The following RNF213 variants were observed in gnomAD, a reference collection of about 807,000 sequenced individuals.
RNF213 encodes E3 ubiquitin-protein ligase RNF213.
In RNF213, 341 loss-of-function variants were observed where a neutral mutation model predicts 514.4. The observed-to-expected ratio is 0.66, with a 90% CI of 0.61 to 0.73. The LOEUF is 0.73. RNF213 is among the 30% of genes least tolerant of loss of function. The probability of loss-of-function intolerance (pLI) is 0.00; values close to 1 mark genes in which losing one functional copy is unlikely to be tolerated. For missense variants in RNF213, 5,767 were observed against 6,615.6 expected, an observed-to-expected ratio of 0.87 and a Z score of 4.45; for synonymous variants, 2,655 against 2,658.2, an observed-to-expected ratio of 1.00 and a Z score of 0.04.
chr17:80,283,466 C>T (rs917452322), intron 3 of RNF213, among the ~76,000 whole-genome samples: 1 of 152,212 alleles, frequency 6.6e-6, no homozygotes, highest in South Asian at 2.1e-4. Flanking sequence ...GTTGCGTCTG[C>T]GCTTACTGCA....
chr17:80,311,839 A>C (rs2045584491), intron 14 of RNF213, among the ~76,000 whole-genome samples: 1 of 151,976 alleles, frequency 6.6e-6, no homozygotes, highest in Non-Finnish European at 1.5e-5. Flanking sequence ...AAAAGATCAC[A>C]CACTTGGCTG....
chr17:80,293,202 C>T (rs2044802845), intron 8 of RNF213, among the ~76,000 whole-genome samples: 2 of 152,010 alleles, frequency 1.3e-5, no homozygotes, highest in Non-Finnish European at 2.9e-5. Context: ...GGCCTACAGG[C>T]GTGTGTCACC....
intron 3 of RNF213, 46 bp downstream of exon 3, chr17:80,273,450 C>G: frequency 6.2e-7 from 1 of 1,607,504 alleles, no homozygotes; most frequent in South Asian, 1.1e-5. Flanking sequence ...TCACTCTGCC[C>G]AGGAAAATCT....
In RNF213 at chr17:80,340,154, C is replaced by A; in HGVS notation, c.5787C>A (p.Val1929=). 1 of 1,614,060 alleles carries A rather than the reference C, an allele frequency of 6.2e-7. No individual in the cohort carries two copies. The highest frequency in any genetic ancestry group is 2.2e-5 in the East Asian group (1 of 44,890). ...GAGAAGACTACCAGCTCGTCATGGT[C>A]TGTGATGGGGACTGGGAGCACTGCT... is the stretch of plus-strand genomic sequence containing the variant. ...QHREDYQLVM[V]CDGDWEHCYL... is the part of the protein sequence containing the mutation. The change falls in exon 26 of 68, where the codon GTC becomes GTA. Residue 1929 remains valine, a synonymous_variant. Transcript: ENST00000582970.
At chr17:80,388,375 G>A (rs1325950860) in intron 63 of RNF213, among the ~76,000 whole-genome samples, 6 of 152,220 alleles carry the variant, frequency 3.9e-5, no homozygotes, top group African/African-American at 1.4e-4. Context: ...AGCAGGCCAC[G>A]ATGATGTGAC....
intron 3 of RNF213, among the ~76,000 whole-genome samples, chr17:80,287,482 A>G (rs2044512839): frequency 6.6e-6 from 1 of 152,206 alleles, no homozygotes; most frequent in Non-Finnish European, 1.5e-5. Flanking sequence ...ATCCTGGGCG[A>G]CAGAGGGAGA....
rs1002850606 is a variant in RNF213, at chr17:80,327,856, C to T, written c.3234C>T (p.Ala1078=). The T allele has an allele frequency of 1.3e-6, 2 of 1,537,026 alleles. No homozygotes were observed. Among genetic ancestry groups the T allele is most frequent in the African/African-American group, 2.7e-5 (2 of 73,006 alleles). ...EKILANVTED[A]KRLIAVADSV... is the part of the protein sequence containing the mutation. ...TACTAGCAAATGTCACAGAGGATGC[C>T]AAGAGGCTGATAGCTGTTGCCGACT... is the stretch of plus-strand genomic sequence containing the variant. The change falls in exon 19 of 68, where the codon GCC becomes GCT. Residue 1078 remains alanine, a synonymous_variant. Transcript: ENST00000582970.
chr17:80,389,411 T>TG (rs1327993414), intron 65 of RNF213, 44 bp downstream of exon 65: 1 of 1,566,538 alleles, frequency 6.4e-7, no homozygotes, highest in Non-Finnish European at 8.8e-7. Context: ...CCCCTCACCC[T>TG]GGTCTCCTGC....
At chr17:80,307,362 G>GCTTTTTT (rs550244427) in intron 13 of RNF213, among the ~76,000 whole-genome samples, 161 bp downstream of exon 13, 2 of 113,720 alleles carry the variant, frequency 1.8e-5, no homozygotes, top group Non-Finnish European at 3.5e-5. Flanking sequence ...ATTGTCGTCT[G>GCTTTTTT]TTTTTTTTTT....
rs1463375042 is a variant in RNF213, at chr17:80,393,417, C to T, written c.15543C>T (p.Phe5181=). 1 of 1,614,090 alleles carries T rather than the reference C, an allele frequency of 6.2e-7. No individual in the cohort carries two copies. The highest frequency in any genetic ancestry group is 2.2e-5 in the East Asian group (1 of 44,894). Residue 5181 remains phenylalanine (F), a synonymous_variant, in exon 68 of 68, where the codon TTC becomes TTT. Coordinates refer to ENST00000582970, the MANE Select transcript of RNF213 (RefSeq NM_001256071.3). ...SEILPEMASQ[F]PEEILLASCV... Reference sequence around the variant, plus strand: ...TTCTTCCTGAAATGGCATCTCAGTTCCCAGAAGAGATACTGCTCGCCAGCT... The same window carrying T: ...TTCTTCCTGAAATGGCATCTCAGTTTCCAGAAGAGATACTGCTCGCCAGCT...
At position 80,288,025 on chromosome 17, in the gene RNF213, C is replaced by G. The variant is rs765816785; in HGVS notation, c.472C>G (p.Leu158Val). The G allele has an allele frequency of 6.3e-7, 1 of 1,598,212 alleles. No homozygotes were observed. Among genetic ancestry groups the G allele is most frequent in the East Asian group, 2.3e-5 (1 of 44,258 alleles). Residue 158 changes from leucine (L) to valine (V), a missense_variant, in exon 4 of 68, where the codon CTG becomes GTG. Physicochemically the swap from Leu to Val is conservative, Grantham distance 32. This residue lies in a region of RNF213 where 509 missense variants were observed against 496.7 expected (regional missense o/e 1.02). Coordinates refer to ENST00000582970, the MANE Select transcript of RNF213 (RefSeq NM_001256071.3). The surrounding 1 kb of genome is among the most constrained non-coding windows in gnomAD (Gnocchi z 4.9). ...SQPPGTATTP[L>V]EGDGLSAPTE... ...GCCCCCAGGCACAGCCACCACGCCA[C>G]TGGAGGGTGACGGCCTCTCCGCGCC...
At chr17:80,280,423 A>G (rs1029751831) in intron 3 of RNF213, among the ~76,000 whole-genome samples, 3 of 152,168 alleles carry the variant, frequency 2.0e-5, no homozygotes, top group Non-Finnish European at 4.4e-5. Flanking sequence ...AATGTATAAC[A>G]GTAGTATAGC....
rs2078639250 is a variant in RNF213 at position 80,354,112 on chromosome 17, A to G, written c.10672A>G (p.Met3558Val). The change falls in exon 35 of 68, where the codon ATG becomes GTG. Residue 3558 changes from methionine (M) to valine (V), a missense_variant. Transcript: ENST00000582970. ...CCAGAACGAGAGCTGCACGCGCAAT[A>G]TGCGGAGGGTGGTGCTCCTCCTGGG... ...RDQNESCTRN[M>V]RRVVLLLGLL... 2 of 1,614,064 alleles carry G rather than the reference A, an allele frequency of 1.2e-6. No individual in the cohort carries two copies. Among genetic ancestry groups the G allele is most frequent in the Non-Finnish European group, 1.7e-6 (2 of 1,180,030 alleles).
At chr17:80,363,861 C>A in intron 41 of RNF213, 71 bp downstream of exon 41, 1 of 1,460,796 alleles carries the variant, frequency 6.8e-7, no homozygotes, top group Non-Finnish European at 9.5e-7. Context: ...AAGTGCCAGG[C>A]ATGTCCATGA....
Position 80,347,189 on chromosome 17 carries a change from G to A in RNF213, c.8854G>A (p.Gly2952Arg), listed in dbSNP as rs146340028. The part of the protein sequence containing the change: ...VCKRQDKEFF[G>R]LRDYYSLIKM... ...TAAGCGCCAGGACAAGGAATTCTTCGGGCTTCGTGACTACTACAGCCTCAT... is the reference window on the plus strand; with the variant it reads ...TAAGCGCCAGGACAAGGAATTCTTCAGGCTTCGTGACTACTACAGCCTCAT... The change falls in exon 29 of 68, where the codon GGG (glycine) becomes AGG (arginine). Residue 2952 changes from glycine (G) to arginine (R), a missense_variant. By Grantham distance (125) the Gly-to-Arg change is moderately radical. Around this residue, in one of 13 missense-constraint regions of RNF213, gnomAD observed 919 missense variants for 1,121.0 expected, o/e 0.82. Transcript: ENST00000582970. The surrounding 1 kb of genome is among the most constrained non-coding windows in gnomAD (Gnocchi z 7.2). 3.5e-5 allele frequency: 57 copies of A among 1,613,592 alleles called. No homozygotes were observed. Among genetic ancestry groups the A allele is most frequent in the Non-Finnish European group, 4.4e-5 (52 of 1,179,914 alleles).
rs147664102 is a variant in RNF213 at position 80,368,136 on chromosome 17, G to A, written c.12148G>A (p.Ala4050Thr). 313 of 1,614,220 alleles carry A rather than the reference G, an allele frequency of 1.9e-4. 1 individual carries two copies. The highest frequency in any genetic ancestry group is 6.4e-5 in the Non-Finnish European group (76 of 1,180,032). Residue 4050 changes from alanine (A) to threonine (T), a missense_variant, in exon 44 of 68, where the codon GCG (alanine) becomes ACG (threonine). Physicochemically the swap from Ala to Thr is moderately conservative, Grantham distance 58. Coordinates refer to ENST00000582970, the MANE Select transcript of RNF213 (RefSeq NM_001256071.3). ...PDEFSPAVSQ[A>T]HREAIEKHAR... is the part of the protein sequence containing the mutation. Reference sequence around the variant, plus strand: ...CGAATTCTCTCCAGCTGTTTCCCAAGCGCACAGGTACAACACCCTTTCTCT... The same window carrying A: ...CGAATTCTCTCCAGCTGTTTCCCAAACGCACAGGTACAACACCCTTTCTCT...
At chr17:80,298,785 T>C (rs887524687) in intron 11 of RNF213, 1 of 354,662 alleles carries the variant, frequency 2.8e-6, no homozygotes, top group Admixed American at 4.2e-5. Flanking sequence ...GCCAACATGG[T>C]GAAAACCCGT....
At chr17:80,348,806 G>A (rs986855732) in intron 29 of RNF213, among the ~76,000 whole-genome samples, 4 of 152,212 alleles carry the variant, frequency 2.6e-5, no homozygotes, top group Non-Finnish European at 4.4e-5. Flanking sequence ...GGGCAGAGCC[G>A]CTGACAGCTC....
chr17:80,382,910 G>A (rs2080079208), intron 57 of RNF213, 69 bp from the exon 58 acceptor site: 5 of 916,900 alleles, frequency 5.5e-6, no homozygotes, highest in East Asian at 4.9e-5. Context: ...CTTATTTAGG[G>A]TTTATTATAC....
Sources: gnomAD v4.1 joint callset for allele counts (sites outside exome capture counted in the v4.1 genomes callset) on GRCh38, gnomAD v4.1.1 for gene constraint, gnomAD v4.1.1 regional missense constraint, Gnocchi (gnomAD v3.1) non-coding constraint, MANE v1.5 for transcripts, NCBI Gene and HGNC (gene_info 2026-07-23, HGNC 2026-07-21) for gene names.